Variants in PXDNL observed in about 807,000 individuals in gnomAD.
PXDNL encodes the protein probable oxidoreductase PXDNL.
PXDNL carries 145 observed loss-of-function variants against 150.8 expected under a neutral mutation model. The ratio of observed to expected loss-of-function variants is 0.96; its 90% CI spans 0.84 to 1.10. PXDNL has a LOEUF of 1.10. PXDNL is among the 50% of genes least tolerant of loss of function. PXDNL has a pLI of 0.00. For missense variants in PXDNL, 2,087 were observed against 1,873.9 expected (o/e 1.11, Z -2.10); for synonymous variants, 757 against 725.7 (o/e 1.04, Z -0.69).
At chr8:51,337,835 T>G (rs1196085479) in intron 21 of PXDNL, among the ~76,000 whole-genome samples, 1 of 149,342 alleles carries the variant, frequency 6.7e-6, no homozygotes, top group Non-Finnish European at 1.5e-5. Flanking sequence ...ATTTCACCAC[T>G]GCACTCCAGC....
intron 12 of PXDNL, chr8:51,435,698 G>T: frequency 3.7e-6 from 1 of 267,868 alleles, no homozygotes; most frequent in South Asian, 4.5e-5. Flanking sequence ...AGCTAAGCTG[G>T]GCACCACCGC....
intron 3 of PXDNL, among the ~76,000 whole-genome samples, chr8:51,585,223 T>A (rs1345357975): frequency 3.3e-5 from 5 of 152,236 alleles, no homozygotes; most frequent in Non-Finnish European, 4.4e-5. Context: ...GTGGGACATA[T>A]CAGGGAAATA....
At chr8:51,390,058 C>T (rs1031243087) in intron 17 of PXDNL, among the ~76,000 whole-genome samples, 3 of 151,666 alleles carry the variant, frequency 2.0e-5, no homozygotes, top group Non-Finnish European at 2.9e-5. Context: ...AAGCCATGCC[C>T]CCCCCACCAA....
chr8:51,726,071 T>C (rs1816812410), intron 1 of PXDNL, among the ~76,000 whole-genome samples: 1 of 152,262 alleles, frequency 6.6e-6, no homozygotes, highest in African/African-American at 2.4e-5. Context: ...CTTGAAATTC[T>C]GTCCTTGATT....
intron 3 of PXDNL, among the ~76,000 whole-genome samples, chr8:51,572,212 C>T (rs903360923): frequency 6.6e-6 from 1 of 151,834 alleles, no homozygotes; most frequent in East Asian, 1.9e-4. Context: ...TTTTGGAATT[C>T]TACTTCTGTG....
intron 1 of PXDNL, among the ~76,000 whole-genome samples, chr8:51,748,097 T>A (rs926756172): frequency 2.6e-5 from 4 of 152,136 alleles, no homozygotes; most frequent in Non-Finnish European, 4.4e-5. Flanking sequence ...AATAGTTTGG[T>A]AGTGTAGGAC....
intron 1 of PXDNL, among the ~76,000 whole-genome samples, chr8:51,677,652 T>C (rs1265593572): frequency 6.6e-6 from 1 of 152,226 alleles, no homozygotes; most frequent in African/African-American, 2.4e-5. Flanking sequence ...AAGTCACCAT[T>C]TCCAAAACAA....
At chr8:51,602,091 T>C (rs1279247109) in intron 2 of PXDNL, among the ~76,000 whole-genome samples, 1 of 151,448 alleles carries the variant, frequency 6.6e-6, no homozygotes, top group African/African-American at 2.4e-5. Flanking sequence ...CCTGATGGGC[T>C]TCCCTTTGTA....
At chr8:51,322,882 T>C (rs1053086601) in intron 21 of PXDNL, among the ~76,000 whole-genome samples, 1 of 152,234 alleles carries the variant, frequency 6.6e-6, no homozygotes, top group African/African-American at 2.4e-5. Flanking sequence ...CATTACTCAA[T>C]AGATATATTC....
intron 2 of PXDNL, among the ~76,000 whole-genome samples, chr8:51,598,609 T>A (rs1031504416): frequency 1.3e-5 from 2 of 152,158 alleles, no homozygotes. Context: ...CATGGTGAAC[T>A]AATTTTTTGA....
At chr8:51,403,812 T>C (rs1319535198) in intron 17 of PXDNL, among the ~76,000 whole-genome samples, 1 of 152,198 alleles carries the variant, frequency 6.6e-6, no homozygotes, top group South Asian at 2.1e-4. Context: ...TAGGTCATGA[T>C]GTGTTCGGAA....
chr8:51,486,940 G>A (rs568598276), intron 5 of PXDNL, among the ~76,000 whole-genome samples: 76 of 149,510 alleles, frequency 5.1e-4, no homozygotes, highest in African/African-American at 1.8e-3. Context: ...AGCTACAGGC[G>A]CATGCCACCC....
At position 51,400,847 on chromosome 8, in the gene PXDNL, G is replaced by A. The variant is rs116583169; in HGVS notation, c.3557+7220C>T. 4.9e-3 allele frequency among the ~76,000 whole-genome samples: 741 copies of A among 152,264 alleles called. 5 individuals are homozygous for A. Among genetic ancestry groups the A allele is most frequent in the African/African-American group, 0.017 (717 of 41,554 alleles). ...TCATTGATGCCACTCAATAGTTGAT[G>A]AAAAAATAAATTGGTAGGAATAAGT... On this transcript the variant is annotated intron_variant, in intron 17 of 22. Transcript: ENST00000356297.
chr8:51,320,704 T>G, intron 22 of PXDNL, 80 bp downstream of exon 22: 1 of 1,006,654 alleles, frequency 9.9e-7, no homozygotes, highest in Non-Finnish European at 1.5e-6. Flanking sequence ...TTTTTTCTCC[T>G]TTTGAATTTT....
At chr8:51,578,046 GAAGGAAAGAAAGA>G (rs1393376799) in intron 3 of PXDNL, among the ~76,000 whole-genome samples, 2 of 122,948 alleles carry the variant, frequency 1.6e-5, no homozygotes, top group African/African-American at 3.8e-5. Context: ...AGGAAGGAAG[GAAGGAAAGAAAGA>G]AAGGAAAGAA....
intron 1 of PXDNL, among the ~76,000 whole-genome samples, chr8:51,747,163 C>T (rs1339555696): frequency 2.6e-5 from 4 of 152,336 alleles, no homozygotes; most frequent in South Asian, 4.1e-4. Flanking sequence ...GAAATTCAGG[C>T]TTCTCCCTGT....
chr8:51,649,645 G>A (rs187701503), intron 2 of PXDNL, among the ~76,000 whole-genome samples: 156 of 152,186 alleles, frequency 1.0e-3, no homozygotes, highest in East Asian at 7.7e-4. Flanking sequence ...AGTTGGGGGG[G>A]AGTCTGTAAT....
chr8:51,713,861 T>C (rs1488436978), intron 1 of PXDNL, among the ~76,000 whole-genome samples: 2 of 152,214 alleles, frequency 1.3e-5, no homozygotes, highest in African/African-American at 4.8e-5. Flanking sequence ...TAGTCACTTG[T>C]TTTATTGTAA....
At chr8:51,575,573 G>C (rs1813034058) in intron 3 of PXDNL, among the ~76,000 whole-genome samples, 1 of 151,956 alleles carries the variant, frequency 6.6e-6, no homozygotes, top group African/African-American at 2.4e-5. Context: ...AAATTAGCCA[G>C]GTGGTGTGGT....
Sources: gnomAD v4.1 joint callset for allele counts (sites outside exome capture counted in the v4.1 genomes callset) on GRCh38, gnomAD v4.1.1 for gene constraint, MANE v1.5 for transcripts, NCBI Gene and HGNC (gene_info 2026-07-23, HGNC 2026-07-21) for gene names.